The following CDH18 variants were observed in gnomAD, a reference collection of about 807,000 sequenced individuals.
The protein encoded by CDH18 is cadherin-18.
Under a neutral mutation model 67.9 loss-of-function variants are expected in CDH18, and 31 were observed. The ratio of observed to expected loss-of-function variants is 0.46; its 90% CI spans 0.34 to 0.62. CDH18 has a LOEUF of 0.62. Among genes scored for constraint, CDH18 ranks in the 20% least tolerant of loss-of-function variants. The pLI, the probability that CDH18 is intolerant of heterozygous loss-of-function variation, is 0.01. For synonymous variants in CDH18, 362 were observed against 347.2 expected, an observed-to-expected ratio of 1.04 and a Z score of -0.48; for missense variants, 890 against 975.5, an observed-to-expected ratio of 0.91 and a Z score of 1.17.
intron 5 of CDH18, among the ~76,000 whole-genome samples, chr5:19,639,406 C>A (rs999380126): frequency 1.3e-5 from 2 of 152,182 alleles, no homozygotes; most frequent in African/African-American, 4.8e-5. Flanking sequence ...GCCCTAACAG[C>A]CTGCTCTACA....
intron 5 of CDH18, among the ~76,000 whole-genome samples, chr5:19,691,584 C>T (rs1761897801): frequency 6.6e-6 from 1 of 151,744 alleles, no homozygotes; most frequent in Non-Finnish European, 1.5e-5. Context: ...AGTTTCTAAA[C>T]ACTAATAATG....
chr5:19,710,837 C>T (rs762901812), intron 5 of CDH18, among the ~76,000 whole-genome samples: 3 of 151,974 alleles, frequency 2.0e-5, no homozygotes, highest in African/African-American at 4.8e-5. Flanking sequence ...TAATATGATG[C>T]CTTCAGTTTG....
intron 2 of CDH18, among the ~76,000 whole-genome samples, chr5:19,880,752 T>A (rs570937377): frequency 1.3e-5 from 2 of 152,262 alleles, no homozygotes; most frequent in African/African-American, 4.8e-5. Context: ...TAATGCAACA[T>A]CCAAAATCTA....
At chr5:20,081,966 A>C (rs1387182056) in intron 2 of CDH18, among the ~76,000 whole-genome samples, 1 of 152,186 alleles carries the variant, frequency 6.6e-6, no homozygotes, top group African/African-American at 2.4e-5. Context: ...CAAAACAAAA[A>C]ACATTTTAGG....
intron 2 of CDH18, among the ~76,000 whole-genome samples, chr5:20,139,464 A>G (rs1405573998): frequency 6.6e-6 from 1 of 152,210 alleles, no homozygotes; most frequent in African/African-American, 2.4e-5. Flanking sequence ...AAATTGACAA[A>G]TGGGATCTAA....
intron 1 of CDH18, among the ~76,000 whole-genome samples, chr5:20,286,118 T>C (rs990057606): frequency 1.3e-5 from 2 of 151,666 alleles, no homozygotes; most frequent in Non-Finnish European, 1.5e-5. Context: ...ATTCTCATTA[T>C]TATTATTAGA....
intron 1 of CDH18, among the ~76,000 whole-genome samples, chr5:20,362,690 C>A (rs1408369709): frequency 1.3e-5 from 2 of 152,078 alleles, no homozygotes; most frequent in African/African-American, 2.4e-5. Context: ...TGATGCCTGG[C>A]AAGAAGGTAG....
At chr5:20,268,261 C>T (rs767479979) in intron 1 of CDH18, among the ~76,000 whole-genome samples, 3 of 152,078 alleles carry the variant, frequency 2.0e-5, no homozygotes, top group East Asian at 1.9e-4. Flanking sequence ...TGAACATATG[C>T]GTGATTGTGT....
At chr5:19,615,519 G>C (rs936818939) in intron 5 of CDH18, among the ~76,000 whole-genome samples, 2 of 152,082 alleles carry the variant, frequency 1.3e-5, no homozygotes, top group African/African-American at 4.8e-5. Flanking sequence ...TGGTACATTT[G>C]ATACTATTGA....
rs1423504904 is a variant in CDH18, at chr5:19,473,552, C to G, written c.2047G>C (p.Glu683Gln). The stretch of plus-strand genomic sequence containing the variant: ...ATATCCCTCCGGTACTTGAGCTCCT[C>G]AGCAGCAGAAGGATTCCTCAAGGCT... The part of the protein sequence containing the change: ...ITALRNPSAA[E>Q]ELKYRRDIRP... Residue 683 changes from glutamate (E) to glutamine (Q), a missense_variant, in exon 13 of 13, where the codon GAG becomes CAG. By Grantham distance (29) the Glu-to-Gln change is conservative. This residue lies in a region of CDH18 where 656 missense variants were observed against 668.1 expected (regional missense o/e 0.98). Coordinates refer to ENST00000382275, the MANE Select transcript of CDH18 (RefSeq NM_004934.5). 1.9e-6 allele frequency: 3 copies of G among 1,613,876 alleles called. No homozygotes were observed. The highest frequency in any genetic ancestry group is 2.5e-6 in the Non-Finnish European group (3 of 1,179,864).
chr5:20,094,519 T>C (rs1486088282), intron 2 of CDH18, among the ~76,000 whole-genome samples: 2 of 152,202 alleles, frequency 1.3e-5, no homozygotes, highest in Non-Finnish European at 2.9e-5. Flanking sequence ...GGTAGCTTGA[T>C]GGGAATAGCA....
At chr5:20,435,195 A>G (rs1158560674) in intron 1 of CDH18, among the ~76,000 whole-genome samples, 1 of 151,982 alleles carries the variant, frequency 6.6e-6, no homozygotes, top group African/African-American at 2.4e-5. Context: ...TGCCTCTTAA[A>G]TGTCATTCAA....
chr5:20,465,723 T>C (rs770822891), intron 1 of CDH18, among the ~76,000 whole-genome samples: 2 of 152,012 alleles, frequency 1.3e-5, no homozygotes, highest in South Asian at 2.1e-4. Context: ...GAATGAAATA[T>C]ATACTGATCA....
chr5:20,115,179 T>C (rs1341548296), intron 2 of CDH18, among the ~76,000 whole-genome samples: 3 of 151,694 alleles, frequency 2.0e-5, no homozygotes, highest in Non-Finnish European at 4.4e-5. Context: ...TTGGTAAATT[T>C]GCACATGATG....
At chr5:19,608,122 T>C (rs1043728119) in intron 6 of CDH18, among the ~76,000 whole-genome samples, 1 of 151,454 alleles carries the variant, frequency 6.6e-6, no homozygotes, top group African/African-American at 2.4e-5. Context: ...ATATAGAAAA[T>C]TGGAATGGTA....
chr5:19,780,985 A>G (rs1476747049), intron 3 of CDH18, among the ~76,000 whole-genome samples: 3 of 152,168 alleles, frequency 2.0e-5, no homozygotes, highest in Non-Finnish European at 4.4e-5. Flanking sequence ...ACAGCAAGTC[A>G]AATATTTAAA....
In CDH18 at chr5:19,838,750, A is replaced by AAATC. The variant is rs1165302024; in HGVS notation, c.228+5_228+8dup. The AAATC allele has an allele frequency of 1.3e-6, 2 of 1,592,588 alleles. No individual in the cohort carries two copies. Among genetic ancestry groups the AAATC allele is most frequent in the African/African-American group, 2.7e-5 (2 of 74,424 alleles). ...GATAGAAAAAACAGCAAAATAAACA[A>AAATC]AATCTTACCTTTCCAACATACTGAG... On this transcript the variant is annotated intron_variant, in intron 3 of 12. Transcript: ENST00000382275.
intron 2 of CDH18, among the ~76,000 whole-genome samples, chr5:20,230,170 G>T (rs1741952735): frequency 6.6e-6 from 1 of 152,204 alleles, no homozygotes; most frequent in Non-Finnish European, 1.5e-5. Flanking sequence ...TGATGTCTCT[G>T]CTAATAATTG....
chr5:20,517,422 A>G (rs1043483032), intron 1 of CDH18, among the ~76,000 whole-genome samples: 3 of 151,780 alleles, frequency 2.0e-5, no homozygotes, highest in African/African-American at 7.2e-5. Context: ...AACATTTTAG[A>G]TAGGATATTA....
Sources: gnomAD v4.1 joint callset for allele counts (sites outside exome capture counted in the v4.1 genomes callset) on GRCh38, gnomAD v4.1.1 for gene constraint, gnomAD v4.1.1 regional missense constraint, MANE v1.5 for transcripts, NCBI Gene and HGNC (gene_info 2026-07-23, HGNC 2026-07-21) for gene names.